The following SATB2 variants were observed in gnomAD, a reference collection of about 807,000 sequenced individuals.
SATB2 encodes the protein DNA-binding protein SATB2.
SATB2 carries 1 observed loss-of-function variant against 73.4 expected under a neutral mutation model. That is an observed-to-expected ratio of 0.01 (90% CI 0.00 to 0.06). The LOEUF is 0.06. Ranked by LOEUF, SATB2 falls within the 10% of genes least tolerant of loss-of-function variation. The probability of loss-of-function intolerance (pLI) is 1.00; values close to 1 mark genes in which losing one functional copy is unlikely to be tolerated. For missense variants in SATB2, 459 were observed against 945.8 expected, an observed-to-expected ratio of 0.49 and a Z score of 6.75; for synonymous variants, 397 against 367.0, an observed-to-expected ratio of 1.08 and a Z score of -0.93.
intron 8 of SATB2, among the ~76,000 whole-genome samples, chr2:199,324,959 A>G (rs1687990086): frequency 6.6e-6 from 1 of 152,130 alleles, no homozygotes; most frequent in Non-Finnish European, 1.5e-5. Flanking sequence ...CCAAATCACA[A>G]GTTTCCCTGT....
intron 3 of SATB2, among the ~76,000 whole-genome samples, chr2:199,384,392 G>A (rs1237472063): frequency 2.0e-5 from 3 of 152,176 alleles, no homozygotes; most frequent in Non-Finnish European, 4.4e-5. Context: ...GGGTCTGCAG[G>A]TACAAGATCT....
rs1692156910 is a variant in SATB2 at position 199,271,531 on chromosome 2, T to C, written c.*680A>G. ...AAATACATACCTCAAAAATTACCCA[T>C]TAAGCTGCCAGATAGGAAGCCATAG... On this transcript the variant is annotated 3_prime_UTR_variant, in exon 11 of 11. Coordinates refer to ENST00000417098, the MANE Select transcript of SATB2 (RefSeq NM_001172509.2). 1 of 147,854 alleles carries C rather than the reference T, an allele frequency of 6.8e-6. No individual in the cohort carries two copies. The highest frequency in any genetic ancestry group is 1.5e-5 in the Non-Finnish European group (1 of 67,064). The allele number at this position is 147,854 out of a possible 1,614,324, so 9.2% of individuals were successfully genotyped here. A position where few individuals can be genotyped will look rare whatever the true frequency, so the allele number is the denominator to read the frequency against.
At chr2:199,445,859 T>C (rs540809488) in intron 2 of SATB2, among the ~76,000 whole-genome samples, 5 of 152,310 alleles carry the variant, frequency 3.3e-5, no homozygotes, top group African/African-American at 1.2e-4. Context: ...GCTTCTCTCC[T>C]GACAGGCACC....
At chr2:199,405,491 G>A (rs1433615676) in intron 3 of SATB2, among the ~76,000 whole-genome samples, 3 of 152,090 alleles carry the variant, frequency 2.0e-5, no homozygotes, top group African/African-American at 7.2e-5. Context: ...GGCTGACCCA[G>A]GGAAATACAA....
chr2:199,334,309 T>A (rs913156000), intron 7 of SATB2, among the ~76,000 whole-genome samples: 1 of 152,198 alleles, frequency 6.6e-6, no homozygotes. Context: ...ATGACACTCA[T>A]CTTCAGAAAT....
chr2:199,415,214 A>G (rs1450912576), intron 3 of SATB2, among the ~76,000 whole-genome samples: 3 of 152,216 alleles, frequency 2.0e-5, no homozygotes, highest in Non-Finnish European at 4.4e-5. Flanking sequence ...GTGTGACTAC[A>G]AGCCCAAAAG....
At chr2:199,414,516 C>G (rs935345035) in intron 3 of SATB2, among the ~76,000 whole-genome samples, 3 of 152,126 alleles carry the variant, frequency 2.0e-5, no homozygotes, top group African/African-American at 7.2e-5. Context: ...TAATGCATCT[C>G]TGACTGATCC....
chr2:199,330,537 G>A (rs1019425078), intron 7 of SATB2, among the ~76,000 whole-genome samples: 3 of 152,148 alleles, frequency 2.0e-5, no homozygotes, highest in Non-Finnish European at 2.9e-5. Context: ...AAAAATAACC[G>A]ACTGGTACAT....
intron 3 of SATB2, among the ~76,000 whole-genome samples, chr2:199,428,723 A>G (rs1691408067): frequency 1.3e-5 from 2 of 152,220 alleles, no homozygotes; most frequent in Admixed American, 1.3e-4. Context: ...AGTTGTTACC[A>G]TGCATTATAT....
chr2:199,381,100 CTCCAGTT>C (rs1574567753), intron 4 of SATB2, among the ~76,000 whole-genome samples: 2 of 152,290 alleles, frequency 1.3e-5, no homozygotes, highest in East Asian at 3.9e-4. Flanking sequence ...TGCAAAGAAC[CTCCAGTT>C]CTTTAGAGAG....
chr2:199,460,697 T>C (rs1692456119), upstream of SATB2, among the ~76,000 whole-genome samples: 1 of 152,234 alleles, frequency 6.6e-6, no homozygotes, highest in African/African-American at 2.4e-5. This position sits in a 1 kb window ranked among gnomAD's most constrained non-coding sequence, Gnocchi z 4.0. Context: ...TTGCTAAGGA[T>C]CACTTCGCTA....
In SATB2 at chr2:199,270,162, G is replaced by A. The variant is rs1192061062; in HGVS notation, c.*2049C>T. On this transcript the variant is annotated 3_prime_UTR_variant, in exon 11 of 11. Transcript: ENST00000417098. ...ACAGAAATAGGAAGGATGGGGCCAGGGCTAACTGCAAACAACCATCCTTTT... is the reference window on the plus strand; with the variant it reads ...ACAGAAATAGGAAGGATGGGGCCAGAGCTAACTGCAAACAACCATCCTTTT... 1 of 152,662 alleles carries A rather than the reference G, an allele frequency of 6.6e-6. No homozygotes were observed. The allele number at this position is 152,662 out of a possible 1,614,324, so 9.5% of individuals were successfully genotyped here.
chr2:199,407,933 T>G (rs905973424), intron 3 of SATB2, among the ~76,000 whole-genome samples: 6 of 152,070 alleles, frequency 3.9e-5, no homozygotes, highest in Admixed American at 3.9e-4. Context: ...AGTTCAAAAA[T>G]TAAAAAGTAA....
In SATB2 at chr2:199,440,548, G is replaced by A. The variant is rs544597837; in HGVS notation, c.170-7034C>T. Among the ~76,000 whole-genome samples, 5 of 152,218 alleles carry A rather than the reference G, an allele frequency of 3.3e-5. No homozygotes were observed. The South Asian group carries it at 1.0e-3, about 32-fold the overall frequency. ...AAAAAAAATTTCACCAATTTTAAAG[G>A]AGAGAGCAGAGCAATCATTTGGATG... is the stretch of plus-strand genomic sequence containing the variant. On this transcript the variant is annotated intron_variant, in intron 2 of 10. Transcript: ENST00000417098.
chr2:199,450,208 A>G (rs1406721695), intron 2 of SATB2, among the ~76,000 whole-genome samples: 1 of 152,282 alleles, frequency 6.6e-6, no homozygotes, highest in Non-Finnish European at 1.5e-5. Flanking sequence ...AATATGAAAC[A>G]GTATTATATC....
intron 9 of SATB2, among the ~76,000 whole-genome samples, chr2:199,320,494 C>T (rs1035083780): frequency 2.0e-5 from 3 of 152,132 alleles, no homozygotes; most frequent in Non-Finnish European, 2.9e-5. Flanking sequence ...ATAGAAGATA[C>T]CTAATGGAAG....
intron 10 of SATB2, among the ~76,000 whole-genome samples, chr2:199,292,087 C>T (rs1011636204): frequency 6.6e-6 from 1 of 151,692 alleles, no homozygotes; most frequent in African/African-American, 2.4e-5. Flanking sequence ...AAAAAAAACA[C>T]TTCATAGGGC....
chr2:199,279,392 G>C (rs991620366), intron 10 of SATB2, among the ~76,000 whole-genome samples: 3 of 152,226 alleles, frequency 2.0e-5, no homozygotes, highest in African/African-American at 4.8e-5. Context: ...TGGGAGCCAA[G>C]TGTAAAATAT....
upstream of SATB2, among the ~76,000 whole-genome samples, chr2:199,462,730 C>T (rs1441404008): frequency 2.0e-5 from 3 of 152,168 alleles, no homozygotes; most frequent in South Asian, 2.1e-4. This position sits in a 1 kb window ranked among gnomAD's most constrained non-coding sequence, Gnocchi z 5.9. Flanking sequence ...GTCCTCCTCC[C>T]GGCCCCAAGC....
Sources: allele counts gnomAD v4.1 joint callset (sites outside exome capture counted in the v4.1 genomes callset), GRCh38; gene constraint gnomAD v4.1.1; non-coding constraint Gnocchi (gnomAD v3.1); transcripts MANE v1.5; gene names NCBI Gene and HGNC (gene_info 2026-07-23, HGNC 2026-07-21).